TRIL: variants seen among roughly 807,000 people sequenced by gnomAD.
TRIL encodes TLR4 interactor with leucine rich repeats.
In TRIL, 23 loss-of-function variants were observed where a neutral mutation model predicts 43.0. The ratio of observed to expected loss-of-function variants is 0.54; its 90% CI spans 0.39 to 0.76. The LOEUF (loss-of-function observed/expected upper bound fraction) is 0.76. TRIL is among the 30% of genes least tolerant of loss of function. The pLI is 0.00. For missense variants in TRIL, 1,114 were observed against 1,139.3 expected (o/e 0.98, Z 0.32); for synonymous variants, 602 against 556.8 (o/e 1.08, Z -1.14).
rs1783383980 is a variant in TRIL, at chr7:28,955,589, ATGGT to A, written c.*18_*21del. The A allele has an allele frequency of 1.9e-5, 29 of 1,494,412 alleles. No homozygotes were observed. Among genetic ancestry groups the A allele is most frequent in the Non-Finnish European group, 2.6e-5 (29 of 1,121,524 alleles). 92.6% of individuals were successfully genotyped at this position (1,494,412 alleles called of 1,614,324 possible). A position where few individuals can be genotyped will look rare whatever the true frequency, so the allele number is the denominator to read the frequency against. On this transcript the variant is annotated 3_prime_UTR_variant, in exon 1 of 1. Transcript: ENST00000539664. ...GAGGCGGCTCCTTAGGGCCAATGAG[ATGGT>A]CTCTATATGCCCTGGACCTAGTCGG...
rs1468875492 is a variant in TRIL at position 28,957,588 on chromosome 7, G to A, written c.459C>T (p.Gly153=). Residue 153 remains glycine (G), a synonymous_variant, in exon 1 of 1, where the codon GGC becomes GGT. Transcript: ENST00000539664. ...ISRLSRGSFE[G]LESLVKLRLD... is the part of the protein sequence containing the mutation. ...GCCGCAGCTTGACTAGACTCTCCAG[G>A]CCCTCGAAGGAGCCGCGGCTTAGGC... is the stretch of plus-strand genomic sequence containing the variant. The A allele has an allele frequency of 6.2e-7, 1 of 1,612,284 alleles. No individual in the cohort carries two copies. Among genetic ancestry groups the A allele is most frequent in the Non-Finnish European group, 8.5e-7 (1 of 1,179,460 alleles).
At position 28,956,450 on chromosome 7, in the gene TRIL, T is replaced by C. The variant is rs554012553; in HGVS notation, c.1597A>G (p.Thr533Ala). The C allele has an allele frequency of 1.1e-5, 17 of 1,545,410 alleles. No individual in the cohort carries two copies. In the East Asian group the frequency reaches 2.7e-4, roughly 24 times the overall value. Residue 533 changes from threonine (T) to alanine (A), a missense_variant, in exon 1 of 1, where the codon ACG (threonine) becomes GCG (alanine). Thr to Ala is a moderately conservative substitution (Grantham distance 58, BLOSUM62 0). Transcript: ENST00000539664. ...ADPALAEPTP[T>A]ASPGSAPSPA... ...GATGGCGCAGAGCCAGGAGAGGCCG[T>C]TGGGGTGGGCTCCGCGAGGGCGGGA...
At position 28,956,002 on chromosome 7, in the gene TRIL, A is replaced by C; in HGVS notation, c.2045T>G (p.Val682Gly). 1.3e-6 allele frequency: 2 copies of C among 1,551,720 alleles called. No homozygotes were observed. Among genetic ancestry groups the C allele is most frequent in the Non-Finnish European group, 1.7e-6 (2 of 1,153,828 alleles). Residue 682 changes from valine (V) to glycine (G), a missense_variant, in exon 1 of 1, where the codon GTC becomes GGC. Transcript: ENST00000539664. ...CCGGCTCCCGGCCTCCGGTAGGGTGACCAGCCCCGCGCAGTGGTCCCGGGG... is the reference window on the plus strand; with the variant it reads ...CCGGCTCCCGGCCTCCGGTAGGGTGCCCAGCCCCGCGCAGTGGTCCCGGGG... ...VAPRDHCAGL[V>G]TLPEAGSRGG...
Position 28,958,056 on chromosome 7 carries a change from C to A in TRIL, c.-10G>T. ...CGCGGGCAGCCTCCATCGCCTCCCGCCCTGCGTGCAGCGGCCGGATCGTCC... is the reference window on the plus strand; with the variant it reads ...CGCGGGCAGCCTCCATCGCCTCCCGACCTGCGTGCAGCGGCCGGATCGTCC... On this transcript the variant is annotated 5_prime_UTR_variant, in exon 1 of 1. Coordinates refer to ENST00000539664, the MANE Select transcript of TRIL (RefSeq NM_014817.4). The A allele has an allele frequency of 6.7e-7, 1 of 1,494,156 alleles. No homozygotes were observed. Among genetic ancestry groups the A allele is most frequent in the Non-Finnish European group, 8.9e-7 (1 of 1,128,840 alleles). 92.6% of individuals were successfully genotyped at this position (1,494,156 alleles called of 1,614,324 possible).
Position 28,956,927 on chromosome 7 carries a change from T to A in TRIL, c.1120A>T (p.Met374Leu), listed in dbSNP as rs1028506290. The change falls in exon 1 of 1, where the codon ATG becomes TTG. Residue 374 changes from methionine to leucine, a missense_variant. Coordinates refer to ENST00000539664, the MANE Select transcript of TRIL (RefSeq NM_014817.4). ...CGGCCCTGCGAGTGCCAGTCGCCCA[T>A]CCAGCGCTTCAGGCCTCGCAGCCGG... ...DCRLRGLKRW[M>L]GDWHSQGRLL... The A allele has an allele frequency of 3.1e-6, 5 of 1,605,064 alleles. No individual in the cohort carries two copies. The highest frequency in any genetic ancestry group is 4.2e-6 in the Non-Finnish European group (5 of 1,177,014).
At position 28,957,562 on chromosome 7, in the gene TRIL, A is replaced by AGCC. The variant is rs773445925; in HGVS notation, c.482_484dup (p.Arg161dup). The AGCC allele has an allele frequency of 6.2e-7, 1 of 1,612,400 alleles. No individual in the cohort carries two copies. The highest frequency in any genetic ancestry group is 1.1e-5 in the South Asian group (1 of 91,016). ...CAGCGCCCCCAGGGCGTTCCCGTCC[A>AGCC]GCCGCAGCTTGACTAGACTCTCCAG... is the stretch of plus-strand genomic sequence containing the variant. On this transcript the variant is annotated inframe_insertion, in exon 1 of 1. Transcript: ENST00000539664.
At position 28,957,358 on chromosome 7, in the gene TRIL, G is replaced by A. The variant is rs1186183537; in HGVS notation, c.689C>T (p.Ser230Phe). Reference protein sequence around the residue: ...RHAATFAPLRSLSSLILSANN... With the variant: ...RHAATFAPLRFLSSLILSANN... ...GGCCGAGAGGATGAGGGAGGAGAGG[G>A]AGCGCAGCGGTGCGAAGGTGGCCGC... Residue 230 changes from serine (S) to phenylalanine (F), a missense_variant, in exon 1 of 1, where the codon TCC (serine) becomes TTC (phenylalanine). Coordinates refer to ENST00000539664, the MANE Select transcript of TRIL (RefSeq NM_014817.4). 2 of 1,612,598 alleles carry A rather than the reference G, an allele frequency of 1.2e-6. No individual in the cohort carries two copies. Among genetic ancestry groups the A allele is most frequent in the East Asian group, 4.5e-5 (2 of 44,848 alleles).
Position 28,955,953 on chromosome 7 carries a change from C to G in TRIL, c.2094G>C (p.Leu698=). 6.4e-7 allele frequency: 1 copy of G among 1,554,954 alleles called. No homozygotes were observed. ...CGTTGACCGTCAGCAGGGCCAAGGT[C>G]AGCAGCTGGTAGTCGACGCCGCCCC... is the stretch of plus-strand genomic sequence containing the variant. The part of the protein sequence containing the change: ...GSRGGVDYQL[L]TLALLTVNAL... The change falls in exon 1 of 1, where the codon CTG becomes CTC. Residue 698 remains leucine, a synonymous_variant. Coordinates refer to ENST00000539664, the MANE Select transcript of TRIL (RefSeq NM_014817.4).
chr7:28,958,108 T>C lies in TRIL; in HGVS notation c.-62A>G. 5 of 1,458,034 alleles carry C rather than the reference T, an allele frequency of 3.4e-6. No individual in the cohort carries two copies. The highest frequency in any genetic ancestry group is 3.6e-6 in the Non-Finnish European group (4 of 1,109,162). 90.3% of individuals were successfully genotyped at this position (1,458,034 alleles called of 1,614,324 possible). On this transcript the variant is annotated 5_prime_UTR_variant, in exon 1 of 1. Transcript: ENST00000539664. ...CTTGGCCCGCCGGCTCTGTGTCTCC[T>C]CTGCATTCCCCTTAGCCTGGCCAGA...
At position 28,956,328 on chromosome 7, in the gene TRIL, C is replaced by A; in HGVS notation, c.1719G>T (p.Pro573=). 2 of 1,532,840 alleles carry A rather than the reference C, an allele frequency of 1.3e-6. No individual in the cohort carries two copies. The highest frequency in any genetic ancestry group is 1.2e-5 in the South Asian group (1 of 82,718). 95.0% of individuals were successfully genotyped at this position (1,532,840 alleles called of 1,614,324 possible). ...AAQSDGGAGL[P]PLVSDPCDFN... ...AGTCGCATGGGTCGGACACCAGCGG[C>A]GGCAGCCCGGCCCCACCGTCGGACT... Residue 573 remains proline, a synonymous_variant, in exon 1 of 1, where the codon CCG becomes CCT. Transcript: ENST00000539664.
Position 28,956,544 on chromosome 7 carries a change from G to T in TRIL, c.1503C>A (p.Ala501=). The T allele has an allele frequency of 6.4e-7, 1 of 1,556,450 alleles. No individual in the cohort carries two copies. Among genetic ancestry groups the T allele is most frequent in the South Asian group, 1.2e-5 (1 of 84,672 alleles). ...LQQPSPSVAA[A]AGPAPQSLDL... is the part of the protein sequence containing the mutation. Reference sequence around the variant, plus strand: ...CTAGGGACTGTGGAGCCGGGCCCGCGGCGGCAGCGACGGAGGGGCTGGGCT... The same window carrying T: ...CTAGGGACTGTGGAGCCGGGCCCGCTGCGGCAGCGACGGAGGGGCTGGGCT... The change falls in exon 1 of 1, where the codon GCC becomes GCA. Residue 501 remains alanine (A), a synonymous_variant. Transcript: ENST00000539664.
rs375845440 is a variant in TRIL at position 28,956,444 on chromosome 7, A to G, written c.1603T>C (p.Ser535Pro). ...GCGGGCGATGGCGCAGAGCCAGGAG[A>G]GGCCGTTGGGGTGGGCTCCGCGAGG... ...PALAEPTPTA[S>P]PGSAPSPAGD... The change falls in exon 1 of 1, where the codon TCT (serine) becomes CCT (proline). Residue 535 changes from serine (S) to proline (P), a missense_variant. Transcript: ENST00000539664. The G allele has an allele frequency of 6.5e-7, 1 of 1,543,716 alleles. No individual in the cohort carries two copies. The highest frequency in any genetic ancestry group is 8.7e-7 in the Non-Finnish European group (1 of 1,151,876).
Position 28,956,274 on chromosome 7 carries a change from C to G in TRIL, c.1773G>C (p.Thr591=), listed in dbSNP as rs752653155. Residue 591 remains threonine (T), a synonymous_variant, in exon 1 of 1, where the codon ACG becomes ACC. Transcript: ENST00000539664. The stretch of plus-strand genomic sequence containing the variant: ...CGCTGTCTGCGCCCACCGCCTCCAC[C>G]GTCAGGTTGCACAGAATGAACTTGT... ...DFNKFILCNL[T]VEAVGADSAS... 1.1e-5 allele frequency: 17 copies of G among 1,548,348 alleles called. No homozygotes were observed. The highest frequency in any genetic ancestry group is 3.5e-5 in the South Asian group (3 of 84,516).
In TRIL at chr7:28,955,674, C is replaced by T. The variant is rs1281682973; in HGVS notation, c.2373G>A (p.Ala791=). 1 of 1,548,946 alleles carries T rather than the reference C, an allele frequency of 6.5e-7. No individual in the cohort carries two copies. The highest frequency in any genetic ancestry group is 1.2e-5 in the South Asian group (1 of 84,024). The change falls in exon 1 of 1, where the codon GCG becomes GCA. Residue 791 remains alanine, a synonymous_variant. Transcript: ENST00000539664. ...TCAGGCTGCCGCCCGCGCCGCCGCC[C>T]GCACTGTCCATGAAGCGGTCGCAGG... The part of the protein sequence containing the change: ...EFPCDRFMDS[A]GGGAGGSLRR...
rs1294817436 is a variant in TRIL at position 28,957,023 on chromosome 7, C to T, written c.1024G>A (p.Gly342Arg). 6.3e-7 allele frequency: 1 copy of T among 1,580,938 alleles called. No homozygotes were observed. The highest frequency in any genetic ancestry group is 8.6e-7 in the Non-Finnish European group (1 of 1,165,876). Residue 342 changes from glycine to arginine, a missense_variant, in exon 1 of 1, where the codon GGG becomes AGG. By Grantham distance (125) the Gly-to-Arg change is moderately radical. Transcript: ENST00000539664. The stretch of plus-strand genomic sequence containing the variant: ...GCTGGGCTGGCGGCGAAGATGTCCC[C>T]GGATAGGGCGCTGAGCGCGTTGTTG... ...LRNNALSALS[G>R]DIFAASPALY...
rs1783359245 is a variant in TRIL at position 28,953,942 on chromosome 7, G to A, written c.*1669C>T. On this transcript the variant is annotated 3_prime_UTR_variant, in exon 1 of 1. Transcript: ENST00000539664. Reference sequence around the variant, plus strand: ...GGCCAAACATAAAAGGAGTGAACTGGGGTGAAAGACCCGGGGCTGTGATGG... The same window carrying A: ...GGCCAAACATAAAAGGAGTGAACTGAGGTGAAAGACCCGGGGCTGTGATGG... 6.5e-6 allele frequency: 1 copy of A among 152,672 alleles called. No homozygotes were observed. Among genetic ancestry groups the A allele is most frequent in the Non-Finnish European group, 1.5e-5 (1 of 68,100 alleles). 9.5% of individuals were successfully genotyped at this position (152,672 alleles called of 1,614,324 possible). A position where few individuals can be genotyped will look rare whatever the true frequency, so the allele number is the denominator to read the frequency against.
chr7:28,957,502 A>C lies in TRIL; in HGVS notation c.545T>G (p.Leu182Arg), dbSNP rs1234344435. 1.2e-6 allele frequency: 2 copies of C among 1,613,180 alleles called. No homozygotes were observed. The highest frequency in any genetic ancestry group is 1.3e-5 in the African/African-American group (1 of 75,034). ...DAVFAPLGNLLYLHLESNRIR... is the reference protein window; with the variant it reads ...DAVFAPLGNLRYLHLESNRIR... ...CCGGTTGGACTCCAGATGTAGGTAG[A>C]GCAGGTTGCCCAAGGGAGCGAAGAC... Residue 182 changes from leucine (L) to arginine (R), a missense_variant, in exon 1 of 1, where the codon CTC becomes CGC. Leu to Arg is a moderately radical substitution (Grantham distance 102). Transcript: ENST00000539664.
At position 28,956,787 on chromosome 7, in the gene TRIL, T is replaced by G; in HGVS notation, c.1260A>C (p.Ser420=). The change falls in exon 1 of 1, where the codon TCA becomes TCC. Residue 420 remains serine, a synonymous_variant. Coordinates refer to ENST00000539664, the MANE Select transcript of TRIL (RefSeq NM_014817.4). The part of the protein sequence containing the change: ...QNGSCADPSP[S]ASLTADRRRQ... ...GCCTGCGGTCAGCGGTCAGGGAAGC[T>G]GAGGGCGAGGGATCCGCGCAGGATC... 6.2e-7 allele frequency: 1 copy of G among 1,610,944 alleles called. No homozygotes were observed. Among genetic ancestry groups the G allele is most frequent in the Non-Finnish European group, 8.5e-7 (1 of 1,179,342 alleles).
At position 28,955,231 on chromosome 7, in the gene TRIL, A is replaced by C; in HGVS notation, c.*380T>G. The C allele has an allele frequency of 4.2e-6, 1 of 235,470 alleles. No individual in the cohort carries two copies. Among genetic ancestry groups the C allele is most frequent in the Non-Finnish European group, 8.1e-6 (1 of 122,950 alleles). The allele number at this position is 235,470 out of a possible 1,614,324, so 14.6% of individuals were successfully genotyped here. On this transcript the variant is annotated 3_prime_UTR_variant, in exon 1 of 1. Transcript: ENST00000539664. ...TAGAAACAAAACTTCTCTGTTTGAC[A>C]CTGAGCAAACAAAAAGCATGCACCC...
Sources: allele counts gnomAD v4.1 joint callset, GRCh38; gene constraint gnomAD v4.1.1; transcripts MANE v1.5; gene names NCBI Gene and HGNC (gene_info 2026-07-23, HGNC 2026-07-21).